Variants in PHF14 observed in about 807,000 individuals in gnomAD.
PHF14 encodes the protein PHD finger protein 14.
In PHF14, 55 loss-of-function variants were observed where a neutral mutation model predicts 117.9. That is an observed-to-expected ratio of 0.47 (90% CI 0.38 to 0.58). PHF14 has a LOEUF of 0.58. Among genes scored for constraint, PHF14 ranks in the 20% least tolerant of loss-of-function variants. PHF14 has a pLI of 0.00. For missense variants in PHF14, 978 were observed against 1,122.2 expected (o/e 0.87, Z 1.84); for synonymous variants, 409 against 368.6 (o/e 1.11, Z -1.26).
At chr7:11,096,259 A>G (rs1051937993) in intron 16 of PHF14, among the ~76,000 whole-genome samples, 1 of 152,172 alleles carries the variant, frequency 6.6e-6, no homozygotes, top group African/African-American at 2.4e-5. Context: ...ATCATCCTGC[A>G]TAATTACTCT....
chr7:11,058,143 A>G (rs1483201), intron 14 of PHF14, among the ~76,000 whole-genome samples: 61,019 of 152,018 alleles, frequency 0.4, 12,975 homozygotes, highest in East Asian at 0.85. Flanking sequence ...GCCTCAAAAT[A>G]TATCAGAAAA....
Position 11,073,147 on chromosome 7 carries a change from A to G in PHF14, c.2654+11062A>G, listed in dbSNP as rs564360972. The stretch of plus-strand genomic sequence containing the variant: ...TGCAAAATACAATTGTCCTTTATTA[A>G]CAGTCCTCCAAAGTCTTTACTCACT... On this transcript the variant is annotated intron_variant, in intron 16 of 17. Transcript: ENST00000634607. Among the ~76,000 whole-genome samples the G allele has an allele frequency of 5.9e-5, 9 of 152,268 alleles. No individual in the cohort carries two copies. The East Asian group carries it at 1.7e-3, about 29-fold the overall frequency.
intron 7 of PHF14, among the ~76,000 whole-genome samples, chr7:11,032,650 T>C (rs59441504): frequency 0.013 from 1,980 of 152,312 alleles, 42 homozygotes; most frequent in African/African-American, 0.045. Flanking sequence ...GGCATTCCAG[T>C]TTGCCACAGG....
intron 16 of PHF14, among the ~76,000 whole-genome samples, chr7:11,081,063 ATGTG>A (rs955753853): frequency 6.6e-6 from 1 of 152,048 alleles, no homozygotes; most frequent in Non-Finnish European, 1.5e-5. Flanking sequence ...ATATGTATAT[ATGTG>A]TGTGTGTATT....
At chr7:11,167,712 C>T (rs1437187309) in intron 17 of PHF14, among the ~76,000 whole-genome samples, 1 of 152,134 alleles carries the variant, frequency 6.6e-6, no homozygotes. Flanking sequence ...GTAAGATTTA[C>T]TTTTTATTAT....
At chr7:11,045,914 T>C (rs934417763) in intron 13 of PHF14, among the ~76,000 whole-genome samples, 7 of 152,212 alleles carry the variant, frequency 4.6e-5, no homozygotes, top group Admixed American at 3.3e-4. Context: ...CAAGAATGTT[T>C]AGTGCATAAG....
chr7:11,115,243 C>G (rs1192754954), intron 17 of PHF14, among the ~76,000 whole-genome samples: 5 of 152,004 alleles, frequency 3.3e-5, no homozygotes, highest in African/African-American at 1.2e-4. Flanking sequence ...TATGGTTCTT[C>G]CTGTTTGAGA....
intron 16 of PHF14, chr7:11,109,087 T>G (rs1159238858): frequency 6.6e-6 from 1 of 151,822 alleles, no homozygotes; most frequent in African/African-American, 2.4e-5. Context: ...CCCATTTACT[T>G]AACTCAGTAG....
rs1157131876 is a variant in PHF14 at position 11,129,694 on chromosome 7, CAGA to C, written c.2772+18230_2772+18232del. On this transcript the variant is annotated intron_variant, in intron 17 of 17. Transcript: ENST00000634607. ...ATTGGATAAAAATCTGTATAGTATT[CAGA>C]AGGTGTGCCACATACTTCACTAGGT... is the stretch of plus-strand genomic sequence containing the variant. Among the ~76,000 whole-genome samples, 3 of 151,374 alleles carry C rather than the reference CAGA, an allele frequency of 2.0e-5. No individual in the cohort carries two copies. In the Admixed American group the frequency reaches 2.0e-4, roughly 10 times the overall value.
intron 16 of PHF14, chr7:11,109,512 C>G (rs916192453): frequency 1.3e-5 from 2 of 151,780 alleles, no homozygotes; most frequent in African/African-American, 4.8e-5. Context: ...GGAGTATGCT[C>G]TCAGTTATTT....
intron 16 of PHF14, among the ~76,000 whole-genome samples, chr7:11,101,354 T>C (rs558130101): frequency 2.6e-5 from 4 of 151,998 alleles, no homozygotes; most frequent in African/African-American, 4.8e-5. Context: ...ATAAATGATT[T>C]GGTTGCTTCC....
chr7:11,058,913 A>G (rs1785109022), intron 14 of PHF14, among the ~76,000 whole-genome samples: 1 of 151,728 alleles, frequency 6.6e-6, no homozygotes, highest in Admixed American at 6.6e-5. Flanking sequence ...CTCTAAGATA[A>G]TATTATTTTA....
At chr7:11,065,152 T>A (rs1785381682) in intron 16 of PHF14, among the ~76,000 whole-genome samples, 1 of 152,102 alleles carries the variant, frequency 6.6e-6, no homozygotes, top group Non-Finnish European at 1.5e-5. Context: ...TCTCAGGCAA[T>A]TTTATTTTTT....
At chr7:10,987,368 A>G (rs1361453737) in intron 3 of PHF14, among the ~76,000 whole-genome samples, 4 of 152,104 alleles carry the variant, frequency 2.6e-5, no homozygotes, top group South Asian at 2.1e-4. Flanking sequence ...TATTAAACAC[A>G]TGTGATTTAG....
chr7:11,148,415 C>G (rs900399971), intron 17 of PHF14, among the ~76,000 whole-genome samples: 9 of 152,138 alleles, frequency 5.9e-5, no homozygotes, highest in Non-Finnish European at 1.2e-4. Flanking sequence ...CCTGTACATT[C>G]TCTTCTCACA....
At chr7:11,067,441 A>AT (rs1445909348) in intron 16 of PHF14, among the ~76,000 whole-genome samples, 1 of 152,210 alleles carries the variant, frequency 6.6e-6, no homozygotes, top group Non-Finnish European at 1.5e-5. Flanking sequence ...CAGAATTACC[A>AT]TTTGATCTGT....
chr7:11,069,238 C>A (rs1785526765), intron 16 of PHF14, among the ~76,000 whole-genome samples: 2 of 152,068 alleles, frequency 1.3e-5, no homozygotes, highest in African/African-American at 4.8e-5. Flanking sequence ...ACCACACATA[C>A]CCTTGTACTT....
intron 16 of PHF14, among the ~76,000 whole-genome samples, chr7:11,083,954 G>T (rs1165826223): frequency 6.6e-6 from 1 of 152,160 alleles, no homozygotes; most frequent in Admixed American, 6.5e-5. Flanking sequence ...GGGGCAATAG[G>T]TAGATTCAAG....
At chr7:11,026,792 G>A (rs531901025) in intron 6 of PHF14, among the ~76,000 whole-genome samples, 2 of 150,272 alleles carry the variant, frequency 1.3e-5, no homozygotes, top group South Asian at 2.1e-4. Flanking sequence ...CTTGTGTAAA[G>A]TTCCATGTAC....
Sources: allele counts gnomAD v4.1 joint callset (sites outside exome capture counted in the v4.1 genomes callset), GRCh38; gene constraint gnomAD v4.1.1; transcripts MANE v1.5; gene names NCBI Gene and HGNC (gene_info 2026-07-23, HGNC 2026-07-21).